The following MACF1 variants were observed in gnomAD, a reference collection of about 807,000 sequenced individuals.
MACF1 encodes the protein microtubule actin crosslinking factor 1, also known as microtubule-actin cross-linking factor 1.
Under a neutral mutation model 854.8 loss-of-function variants are expected in MACF1, and 193 were observed. The observed-to-expected ratio is 0.23, with a 90% CI of 0.20 to 0.25. The LOEUF (loss-of-function observed/expected upper bound fraction) is 0.25, where lower values mean the gene tolerates loss of function less well. MACF1 is among the 10% of genes least tolerant of loss of function. The probability of loss-of-function intolerance (pLI) is 1.00; values close to 1 mark genes in which losing one functional copy is unlikely to be tolerated. For synonymous variants in MACF1, 3,185 were observed against 3,226.7 expected (o/e 0.99, Z 0.44); for missense variants, 7,722 against 8,929.1 (o/e 0.86, Z 5.45).
intron 31 of MACF1, among the ~76,000 whole-genome samples, chr1:39,321,886 T>C (rs923274529): frequency 1.3e-5 from 2 of 152,202 alleles, no homozygotes; most frequent in African/African-American, 4.8e-5. Context: ...TGGTCATCTT[T>C]GGGTTTTAGA....
At chr1:39,424,752 C>G (rs1017045519) in intron 61 of MACF1, among the ~76,000 whole-genome samples, 1 of 152,200 alleles carries the variant, frequency 6.6e-6, no homozygotes, top group African/African-American at 2.4e-5. Context: ...CTTTTCATAG[C>G]TATAAGTTAT....
chr1:39,112,530 TAGTC>T (rs1446991141), intron 2 of MACF1, among the ~76,000 whole-genome samples: 5 of 152,182 alleles, frequency 3.3e-5, no homozygotes, highest in Non-Finnish European at 2.9e-5. Context: ...ATACAAAAAT[TAGTC>T]AGGCATGGTG....
intron 2 of MACF1, among the ~76,000 whole-genome samples, chr1:39,242,139 G>A (rs1034706556): frequency 6.6e-6 from 1 of 152,186 alleles, no homozygotes; most frequent in African/African-American, 2.4e-5. Context: ...CTTGAGACCA[G>A]GAGTTCAAGA....
Position 39,431,572 on chromosome 1 carries a change from C to G in MACF1, c.17337+664C>G, listed in dbSNP as rs533230768. ...ATCCCCAGTGTGTCTTTAGAGTTAT[C>G]CCTTATCTTGGCCAGATATTTCAAT... On this transcript the variant is annotated intron_variant, in intron 66 of 100. Transcript: ENST00000564288. 3.3e-5 allele frequency among the ~76,000 whole-genome samples: 5 copies of G among 152,256 alleles called. No homozygotes were observed. In the South Asian group the frequency reaches 1.0e-3, roughly 32 times the overall value.
rs563184148 is a variant in MACF1 at position 39,237,439 on chromosome 1, T to C, written c.171+6196T>C. 1.9e-4 allele frequency among the ~76,000 whole-genome samples: 29 copies of C among 152,356 alleles called. 1 individual carries two copies. In the South Asian group the frequency reaches 3.9e-3, roughly 21 times the overall value. Reference sequence around the variant, plus strand: ...AGTGCTGCACATAGCACATGAGAAGTATCCAATAAGTACTTGTTACCTTGA... The same window carrying C: ...AGTGCTGCACATAGCACATGAGAAGCATCCAATAAGTACTTGTTACCTTGA... On this transcript the variant is annotated intron_variant, in intron 2 of 100. Transcript: ENST00000564288.
At chr1:39,294,483 TAAA>T (rs1463264593) in intron 18 of MACF1, among the ~76,000 whole-genome samples, 2 of 152,164 alleles carry the variant, frequency 1.3e-5, no homozygotes, top group Non-Finnish European at 2.9e-5. Flanking sequence ...TCTACTGAAT[TAAA>T]GAAGGAAGAT....
intron 2 of MACF1, among the ~76,000 whole-genome samples, chr1:39,165,628 A>G (rs1254091242): frequency 6.6e-6 from 1 of 152,170 alleles, no homozygotes; most frequent in East Asian, 1.9e-4. Context: ...TTTTCTTGTC[A>G]TGTAGGCATT....
At chr1:39,483,114 A>G (rs1343114516) in intron 99 of MACF1, among the ~76,000 whole-genome samples, 2 of 74,986 alleles carry the variant, frequency 2.7e-5, no homozygotes, top group East Asian at 1.5e-3. Context: ...AAAAAAAAAC[A>G]CCCACACATT....
intron 58 of MACF1, among the ~76,000 whole-genome samples, chr1:39,415,192 G>C (rs1643241949): frequency 6.6e-6 from 1 of 152,152 alleles, no homozygotes; most frequent in Non-Finnish European, 1.5e-5. Flanking sequence ...GAAAAATAGA[G>C]ATATTTTAGT....
At chr1:39,324,568 TA>T in intron 34 of MACF1, 77 bp from the exon 35 acceptor site, 3 of 1,279,582 alleles carry the variant, frequency 2.3e-6, no homozygotes, top group Non-Finnish European at 3.3e-6. Flanking sequence ...CTCTAGGATT[TA>T]AAAAAATAAT....
intron 2 of MACF1, among the ~76,000 whole-genome samples, chr1:39,189,829 C>G (rs1344117038): frequency 6.6e-6 from 1 of 152,176 alleles, no homozygotes; most frequent in Non-Finnish European, 1.5e-5. Context: ...ACATATTTCT[C>G]CAGTTAGATT....
chr1:39,351,821 C>G (rs966904175), intron 43 of MACF1, among the ~76,000 whole-genome samples: 4 of 152,028 alleles, frequency 2.6e-5, no homozygotes, highest in Admixed American at 6.6e-5. Context: ...CTCCTGACCT[C>G]AAGTGATCCT....
At chr1:39,431,340 C>A (rs1005974647) in intron 66 of MACF1, among the ~76,000 whole-genome samples, 8 of 152,124 alleles carry the variant, frequency 5.3e-5, no homozygotes, top group African/African-American at 1.4e-4. Flanking sequence ...TAAAATAGAA[C>A]CTTCTCAGTA....
At chr1:39,217,216 C>T (rs1323336574) in intron 1 of MACF1, among the ~76,000 whole-genome samples, 1 of 151,802 alleles carries the variant, frequency 6.6e-6, no homozygotes, top group African/African-American at 2.4e-5. Context: ...ATATACTCCT[C>T]ACAATCACTT....
At position 39,388,145 on chromosome 1, in the gene MACF1, C is replaced by G. The variant is rs755946939; in HGVS notation, c.15303C>G (p.Leu5101=). The G allele has an allele frequency of 1.2e-6, 2 of 1,614,038 alleles. No individual in the cohort carries two copies. Among genetic ancestry groups the G allele is most frequent in the Non-Finnish European group, 1.7e-6 (2 of 1,180,036 alleles). Residue 5101 remains leucine, a synonymous_variant, in exon 58 of 101, where the codon CTC becomes CTG. Transcript: ENST00000564288. Reference sequence around the variant, plus strand: ...CTGAGGTCGCCCAGCAAGAGTTCCTCGAAGTTAAGCAAAGAGTGAACAGTG... The same window carrying G: ...CTGAGGTCGCCCAGCAAGAGTTCCTGGAAGTTAAGCAAAGAGTGAACAGTG... ...HQAEVAQQEF[L]EVKQRVNSGC... is the part of the protein sequence containing the mutation.
At position 39,285,748 on chromosome 1, in the gene MACF1, C is replaced by G. The variant is rs1195848691; in HGVS notation, c.1498C>G (p.Leu500Val). The G allele has an allele frequency of 2.5e-6, 4 of 1,614,090 alleles. No individual in the cohort carries two copies. The highest frequency in any genetic ancestry group is 1.1e-5 in the South Asian group (1 of 91,080). ...RDENYYQLEELAFRVMRLQDE... is the reference protein window; with the variant it reads ...RDENYYQLEEVAFRVMRLQDE... ...TGAGAATTACTACCAGCTAGAAGAGCTGGCTTTTAGGTGAGGAACAAGGGA... is the reference window on the plus strand; with the variant it reads ...TGAGAATTACTACCAGCTAGAAGAGGTGGCTTTTAGGTGAGGAACAAGGGA... The change falls in exon 14 of 101, where the codon CTG becomes GTG. Residue 500 changes from leucine to valine, a missense_variant. This residue lies in a region of MACF1 where 1,137 missense variants were observed against 1,263.0 expected (regional missense o/e 0.90). Coordinates refer to ENST00000564288, the MANE Select transcript of MACF1 (RefSeq NM_001394062.1).
At position 39,205,114 on chromosome 1, in the gene MACF1, A is replaced by G; in HGVS notation, c.92A>G (p.His31Arg). Residue 31 changes from histidine to arginine, a missense_variant, in exon 1 of 101, where the codon CAT becomes CGT. By Grantham distance (29) the His-to-Arg change is conservative. Coordinates refer to ENST00000564288, the MANE Select transcript of MACF1 (RefSeq NM_001394062.1). ...GVAGVLYWKR[H>R]ARGRADERDR... ...GCTGGTGTTCTATACTGGAAGAGGCATGCCAGAGGTAGAGCAGGTAACTAA... is the reference window on the plus strand; with the variant it reads ...GCTGGTGTTCTATACTGGAAGAGGCGTGCCAGAGGTAGAGCAGGTAACTAA... 1.4e-6 allele frequency: 1 copy of G among 703,030 alleles called. No homozygotes were observed. Among genetic ancestry groups the G allele is most frequent in the South Asian group, 1.5e-5 (1 of 67,606 alleles). 43.5% of individuals were successfully genotyped at this position (703,030 alleles called of 1,614,324 possible).
At chr1:39,224,806 A>C (rs1336129146) in intron 1 of MACF1, among the ~76,000 whole-genome samples, 1 of 152,230 alleles carries the variant, frequency 6.6e-6, no homozygotes, top group Non-Finnish European at 1.5e-5. Context: ...AATGAAACTA[A>C]AATAAAATTA....
intron 6 of MACF1, among the ~76,000 whole-genome samples, chr1:39,278,733 T>C (rs1485739428): frequency 6.6e-6 from 1 of 152,110 alleles, no homozygotes; most frequent in Non-Finnish European, 1.5e-5. Context: ...TAGCTAGAAA[T>C]GTTAAGGGGA....
Sources: gnomAD v4.1 joint callset for allele counts (sites outside exome capture counted in the v4.1 genomes callset) on GRCh38, gnomAD v4.1.1 for gene constraint, gnomAD v4.1.1 regional missense constraint, MANE v1.5 for transcripts, NCBI Gene and HGNC (gene_info 2026-07-23, HGNC 2026-07-21) for gene names.